The following TBRG4 variants were observed in gnomAD, a reference collection of about 807,000 sequenced individuals.
TBRG4 encodes FAST kinase domain-containing protein 4.
Under a neutral mutation model 65.6 loss-of-function variants are expected in TBRG4, and 43 were observed. The observed-to-expected ratio is 0.66, with a 90% CI of 0.51 to 0.85. TBRG4 has a LOEUF of 0.85. TBRG4 is among the 40% of genes least tolerant of loss of function. The pLI, the probability that TBRG4 is intolerant of heterozygous loss-of-function variation, is 0.00. For missense variants in TBRG4, 709 were observed against 787.9 expected (o/e 0.90, Z 1.20); for synonymous variants, 366 against 341.4 (o/e 1.07, Z -0.79).
intron 9 of TBRG4, 53 bp from the exon 10 acceptor site, chr7:45,101,425 G>A: frequency 2.5e-6 from 4 of 1,606,376 alleles, no homozygotes; most frequent in Middle Eastern, 1.7e-4. Context: ...GCCCCTCGGA[G>A]GGGAAAGATG....
Position 45,100,189 on chromosome 7 carries a change from C to T in TBRG4, c.*136G>A. On this transcript the variant is annotated 3_prime_UTR_variant, in exon 11 of 11. Transcript: ENST00000258770. ...TATTATACACAAGAGGACGTTCTGT[C>T]CCTCAGAGTGGCTGGCCACCCTCCC... 7.7e-6 allele frequency: 5 copies of T among 648,022 alleles called. No individual in the cohort carries two copies. The highest frequency in any genetic ancestry group is 1.3e-5 in the Non-Finnish European group (5 of 377,522). 40.1% of individuals were successfully genotyped at this position (648,022 alleles called of 1,614,324 possible).
intron 3 of TBRG4, chr7:45,105,008 T>C (rs1472102005): frequency 5.4e-6 from 4 of 735,190 alleles, no homozygotes; most frequent in Non-Finnish European, 1.0e-5. Context: ...GCCCCCGCTA[T>C]GACAGAAACG....
rs933393250 is a variant in TBRG4, at chr7:45,101,135, G to C, written c.1794+123C>G. 5.8e-6 allele frequency: 5 copies of C among 869,216 alleles called. No individual in the cohort carries two copies. The African/African-American group carries it at 8.5e-5, about 15-fold the overall frequency. The allele number at this position is 869,216 out of a possible 1,614,324, so 53.8% of individuals were successfully genotyped here. A position where few individuals can be genotyped will look rare whatever the true frequency, so the allele number is the denominator to read the frequency against. On this transcript the variant is annotated intron_variant, in intron 10 of 10. Transcript: ENST00000258770. The stretch of plus-strand genomic sequence containing the variant: ...AAACTCCCTCCCTGGGCTCCTGGGA[G>C]AGGCCCGGGGCCACGGGCAGGGCAT...
In TBRG4 at chr7:45,103,755, T is replaced by C. The variant is rs1784845026; in HGVS notation, c.1066-312A>G. Reference sequence around the variant, plus strand: ...TCACACATAAACGTAACTGCAGGTGTCATCTTTCTGTACAGTTCCACTTTG... The same window carrying C: ...TCACACATAAACGTAACTGCAGGTGCCATCTTTCTGTACAGTTCCACTTTG... On this transcript the variant is annotated intron_variant, in intron 5 of 10. Coordinates refer to ENST00000258770, the MANE Select transcript of TBRG4 (RefSeq NM_004749.4). 4.1e-5 allele frequency: 21 copies of C among 515,182 alleles called. No homozygotes were observed. In the South Asian group the frequency reaches 4.8e-4, roughly 12 times the overall value. The allele number at this position is 515,182 out of a possible 1,614,324, so 31.9% of individuals were successfully genotyped here.
rs762579832 is a variant in TBRG4 at position 45,102,017 on chromosome 7, C to A, written c.1375G>T (p.Ala459Ser). 5.1e-6 allele frequency: 8 copies of A among 1,565,938 alleles called. No homozygotes were observed. The highest frequency in any genetic ancestry group is 6.9e-6 in the Non-Finnish European group (8 of 1,160,496). Residue 459 changes from alanine (A) to serine (S), a missense_variant, in exon 8 of 11, where the codon GCC becomes TCC. Physicochemically the swap from Ala to Ser is moderately conservative, Grantham distance 99. Coordinates refer to ENST00000258770, the MANE Select transcript of TBRG4 (RefSeq NM_004749.4). ...NTFQKLLHIN[A>S]TALLEYPEYS... ...TCGGGGTACTCCAGCAGGGCAGTGG[C>A]GTTGATGTGGAGCAGCTTCTGGAAG...
intron 2 of TBRG4, chr7:45,107,439 G>A (rs1010060408): frequency 2.0e-5 from 3 of 152,236 alleles, no homozygotes; most frequent in African/African-American, 7.2e-5. Flanking sequence ...CCTGAATCCA[G>A]CCTTGCAGAA....
chr7:45,109,650 T>A (rs916660281), intron 1 of TBRG4, among the ~76,000 whole-genome samples: 2 of 152,170 alleles, frequency 1.3e-5, no homozygotes, highest in South Asian at 2.1e-4. Context: ...AATTTTTTTT[T>A]ATTTTTTTAT....
intron 6 of TBRG4, chr7:45,103,047 G>C: frequency 2.1e-6 from 1 of 487,086 alleles, no homozygotes; most frequent in Admixed American, 3.3e-5. Flanking sequence ...CACATAGCAC[G>C]AAGGCCCACT....
chr7:45,105,705 G>T lies in TBRG4; in HGVS notation c.471C>A (p.Gly157=). 6 of 1,613,988 alleles carry T rather than the reference G, an allele frequency of 3.7e-6. No homozygotes were observed. The highest frequency in any genetic ancestry group is 5.1e-6 in the Non-Finnish European group (6 of 1,180,030). The change falls in exon 3 of 11, where the codon GGC becomes GGA. Residue 157 remains glycine, a synonymous_variant. Transcript: ENST00000258770. ...GCAGCTCCTTGGAGGCCTTGGGGAT[G>T]CCCAGAGCATACAGGCTTCCCAGCA... is the stretch of plus-strand genomic sequence containing the variant. The part of the protein sequence containing the change: ...SKLLGSLYAL[G]IPKASKELQS...
At chr7:45,109,651 ATTTT>A (rs1328890824) in intron 1 of TBRG4, among the ~76,000 whole-genome samples, 1 of 151,766 alleles carries the variant, frequency 6.6e-6, no homozygotes, top group Admixed American at 6.6e-5. Context: ...ATTTTTTTTT[ATTTT>A]TTTATTTCAA....
chr7:45,106,251 G>A (rs1310364244), intron 2 of TBRG4: 1 of 323,830 alleles, frequency 3.1e-6, no homozygotes, highest in Admixed American at 3.9e-5. Flanking sequence ...ACTCTAGAGT[G>A]GCAAGGGAAA....
chr7:45,104,403 G>C (rs776344700), intron 4 of TBRG4, 135 bp downstream of exon 4: 7 of 1,560,440 alleles, frequency 4.5e-6, no homozygotes, highest in Non-Finnish European at 6.2e-6. Flanking sequence ...CAGGGCCCAT[G>C]AGTCACAGTG....
At chr7:45,108,173 A>C (rs1460908832) in intron 2 of TBRG4, among the ~76,000 whole-genome samples, 1 of 152,222 alleles carries the variant, frequency 6.6e-6, no homozygotes, top group African/African-American at 2.4e-5. Flanking sequence ...GTGCCCCAGC[A>C]CTTCCCTTCC....
Position 45,101,170 on chromosome 7 carries a change from C to A in TBRG4, c.1794+88G>T. The A allele has an allele frequency of 2.2e-6, 3 of 1,347,966 alleles. No individual in the cohort carries two copies. In the South Asian group the frequency reaches 4.0e-5, roughly 18 times the overall value. The allele number at this position is 1,347,966 out of a possible 1,614,324, so 83.5% of individuals were successfully genotyped here. A position where few individuals can be genotyped will look rare whatever the true frequency, so the allele number is the denominator to read the frequency against. Reference sequence around the variant, plus strand: ...GCCACGGGCAGGGCATGTGTCTATACCTGCTGGCTCAGTTCCACCTGATCC... The same window carrying A: ...GCCACGGGCAGGGCATGTGTCTATAACTGCTGGCTCAGTTCCACCTGATCC... On this transcript the variant is annotated intron_variant, in intron 10 of 10. Transcript: ENST00000258770.
At chr7:45,110,439 G>A (rs1584036925) in intron 1 of TBRG4, among the ~76,000 whole-genome samples, 1 of 152,158 alleles carries the variant, frequency 6.6e-6, no homozygotes, top group East Asian at 1.9e-4. Flanking sequence ...GGCTGAGGCG[G>A]GCAGATCACG....
chr7:45,110,930 A>AACGCAACATCT (rs1785108372), intron 1 of TBRG4: 1 of 152,118 alleles, frequency 6.6e-6, no homozygotes, highest in African/African-American at 2.4e-5. Flanking sequence ...TATTTGCCCA[A>AACGCAACATCT]ACGCAACATC....
chr7:45,103,873 G>A (rs1369840022), intron 5 of TBRG4: 1 of 627,304 alleles, frequency 1.6e-6, no homozygotes, highest in Non-Finnish European at 2.7e-6. Context: ...CAAAATGGAT[G>A]GAAGCACTTA....
rs752512216 is a variant in TBRG4 at position 45,101,860 on chromosome 7, C to G, written c.1532G>C (p.Ser511Thr). Residue 511 changes from serine (S) to threonine (T), a missense_variant, in exon 8 of 11, where the codon AGC becomes ACC. Physicochemically the swap from Ser to Thr is moderately conservative, Grantham distance 58. Transcript: ENST00000258770. ...KGLLGSADKG[S>T]LEVATQYGWV... ...GCCATACTGCGTGGCCACCTCGAGGCTGCCCTTGTCGGCGCTCCCCAGCAG... is the reference window on the plus strand; with the variant it reads ...GCCATACTGCGTGGCCACCTCGAGGGTGCCCTTGTCGGCGCTCCCCAGCAG... The G allele has an allele frequency of 1.2e-6, 2 of 1,608,672 alleles. No homozygotes were observed. The highest frequency in any genetic ancestry group is 2.2e-5 in the South Asian group (2 of 91,012).
chr7:45,111,304 C>T (rs1415036924), intron 1 of TBRG4: 1 of 164,926 alleles, frequency 6.1e-6, no homozygotes, highest in Admixed American at 6.4e-5. Flanking sequence ...AAACGGAAGC[C>T]CAGGAGCCAG....
Sources: gnomAD v4.1 joint callset for allele counts (sites outside exome capture counted in the v4.1 genomes callset) on GRCh38, gnomAD v4.1.1 for gene constraint, MANE v1.5 for transcripts, NCBI Gene and HGNC (gene_info 2026-07-23, HGNC 2026-07-21) for gene names.